The following EHF variants were observed in gnomAD, a reference collection of about 807,000 sequenced individuals.
EHF encodes ETS homologous factor.
In EHF, 14 loss-of-function variants were observed where a neutral mutation model predicts 45.1. That is an observed-to-expected ratio of 0.31 (90% CI 0.21 to 0.49). The LOEUF (loss-of-function observed/expected upper bound fraction) is 0.49, where lower values mean the gene tolerates loss of function less well. Ranked by LOEUF, EHF falls within the 20% of genes least tolerant of loss-of-function variation. EHF has a pLI of 0.99. For missense variants in EHF, 282 were observed against 371.4 expected, an observed-to-expected ratio of 0.76 and a Z score of 1.98; for synonymous variants, 136 against 131.8, an observed-to-expected ratio of 1.03 and a Z score of -0.22.
Position 34,651,395 on chromosome 11 carries a change from C to T in EHF, c.407-147C>T, listed in dbSNP as rs150916998. ...ATTAGACAACATTATTATAAAGTAA[C>T]GCAGCTGAAGCAGAATCATATCCCT... is the stretch of plus-strand genomic sequence containing the variant. On this transcript the variant is annotated intron_variant, in intron 4 of 8. Transcript: ENST00000257831. The T allele has an allele frequency of 8.1e-3, 5,294 of 654,562 alleles. 41 individuals are homozygous for T. The highest frequency in any genetic ancestry group is 0.017 in the Middle Eastern group (64 of 3,812). 40.5% of individuals were successfully genotyped at this position (654,562 alleles called of 1,614,324 possible).
chr11:34,646,252 G>A (rs1336367642), intron 2 of EHF, among the ~76,000 whole-genome samples, 187 bp from the exon 3 acceptor site: 1 of 152,128 alleles, frequency 6.6e-6, no homozygotes. Flanking sequence ...CTCATCCAGT[G>A]TCCAGGGGTA....
At position 34,662,653 on chromosome 11, in the gene EHF, A is replaced by G. The variant is rs1414281048; in HGVS notation, c.*3722A>G. On this transcript the variant is annotated 3_prime_UTR_variant, in exon 9 of 9. Coordinates refer to ENST00000257831, the MANE Select transcript of EHF (RefSeq NM_012153.6). The stretch of plus-strand genomic sequence containing the variant: ...AATGCATGTTAGATTTTAGTTTTGC[A>G]AGCATGTTGTTTTTCAAATATATCA... 1.3e-5 allele frequency among the ~76,000 whole-genome samples: 2 copies of G among 152,134 alleles called. No individual in the cohort carries two copies. The highest frequency in any genetic ancestry group is 2.9e-5 in the Non-Finnish European group (2 of 68,020).
intron 3 of EHF, among the ~76,000 whole-genome samples, chr11:34,647,693 C>T (rs1034610112): frequency 6.6e-6 from 1 of 152,224 alleles, no homozygotes; most frequent in Non-Finnish European, 1.5e-5. Flanking sequence ...CATACCCTGG[C>T]AACAGCCATC....
intron 6 of EHF, among the ~76,000 whole-genome samples, chr11:34,655,863 G>C (rs1467959256): frequency 1.3e-5 from 2 of 152,144 alleles, no homozygotes; most frequent in African/African-American, 4.8e-5. Flanking sequence ...TATGGTTTCA[G>C]TCAGTCCAGG....
At chr11:34,622,762 A>G (rs1385169807) in intron 1 of EHF, among the ~76,000 whole-genome samples, 1 of 152,240 alleles carries the variant, frequency 6.6e-6, no homozygotes, top group Non-Finnish European at 1.5e-5. Flanking sequence ...ATGGTATTTA[A>G]AAACCATGAT....
rs1029183234 is a variant in EHF, at chr11:34,659,007, T to C, written c.*76T>C. ...ACAAAGAACTCCTGGACGTAAATAT[T>C]TCAAAGACTACTTTTCTCTGATATT... On this transcript the variant is annotated 3_prime_UTR_variant, in exon 9 of 9. Transcript: ENST00000257831. 1 of 1,127,158 alleles carries C rather than the reference T, an allele frequency of 8.9e-7. No individual in the cohort carries two copies. Among genetic ancestry groups the C allele is most frequent in the Non-Finnish European group, 1.3e-6 (1 of 788,566 alleles). 69.8% of individuals were successfully genotyped at this position (1,127,158 alleles called of 1,614,324 possible). A position where few individuals can be genotyped will look rare whatever the true frequency, so the allele number is the denominator to read the frequency against.
chr11:34,634,160 T>G (rs1475402282), intron 1 of EHF, among the ~76,000 whole-genome samples: 1 of 152,100 alleles, frequency 6.6e-6, no homozygotes. Context: ...TTGTATGTAT[T>G]ATATTCAGTT....
chr11:34,645,270 G>T (rs1854401967), intron 2 of EHF, among the ~76,000 whole-genome samples: 1 of 152,012 alleles, frequency 6.6e-6, no homozygotes, highest in Non-Finnish European at 1.5e-5. Context: ...CACATATTAG[G>T]TTCAGCAATA....
chr11:34,622,479 G>C, intron 1 of EHF: 1 of 1,045,074 alleles, frequency 9.6e-7, no homozygotes. Flanking sequence ...GTGTGACTGT[G>C]TGTTAATTCC....
In EHF at chr11:34,634,110, C is replaced by T. The variant is rs1306986418; in HGVS notation, c.-3-8518C>T. Reference sequence around the variant, plus strand: ...AAGAGAATCAAATACATTCCCCAAGCTTGATTCACAATTCAATTCATTTGT... The same window carrying T: ...AAGAGAATCAAATACATTCCCCAAGTTTGATTCACAATTCAATTCATTTGT... On this transcript the variant is annotated intron_variant, in intron 1 of 8. Coordinates refer to ENST00000257831, the MANE Select transcript of EHF (RefSeq NM_012153.6). Among the ~76,000 whole-genome samples the T allele has an allele frequency of 3.9e-5, 6 of 152,260 alleles. No homozygotes were observed. The East Asian group carries it at 1.2e-3, about 29-fold the overall frequency.
intron 6 of EHF, among the ~76,000 whole-genome samples, chr11:34,656,221 T>C (rs75189631): frequency 3.2e-3 from 488 of 152,298 alleles, no homozygotes; most frequent in Non-Finnish European, 4.8e-3. Flanking sequence ...AGTCATTTGT[T>C]AAACTAATCT....
At chr11:34,631,353 C>G (rs1382498382) in intron 1 of EHF, among the ~76,000 whole-genome samples, 1 of 152,180 alleles carries the variant, frequency 6.6e-6, no homozygotes, top group Non-Finnish European at 1.5e-5. Context: ...TTCAAAAGCT[C>G]CCTCTGACTG....
intron 1 of EHF, among the ~76,000 whole-genome samples, chr11:34,632,238 G>C (rs1388763801): frequency 6.6e-6 from 1 of 152,146 alleles, no homozygotes; most frequent in Non-Finnish European, 1.5e-5. Context: ...TAACTGCGTT[G>C]TTATCGGAGC....
At chr11:34,638,026 C>T (rs532859666) in intron 1 of EHF, among the ~76,000 whole-genome samples, 19 of 152,112 alleles carry the variant, frequency 1.2e-4, no homozygotes, top group South Asian at 4.2e-4. Flanking sequence ...CTCAACCTCC[C>T]GAGTAGCTGG....
At chr11:34,658,448 A>G in intron 7 of EHF, 85 bp from the exon 8 acceptor site, 4 of 1,161,530 alleles carry the variant, frequency 3.4e-6, no homozygotes, top group Non-Finnish European at 3.7e-6. Flanking sequence ...TCCTACTTGC[A>G]GGAAGATGAC....
chr11:34,645,341 G>A (rs1047586985), intron 2 of EHF, among the ~76,000 whole-genome samples: 2 of 152,108 alleles, frequency 1.3e-5, no homozygotes, highest in Non-Finnish European at 2.9e-5. Flanking sequence ...TCTTGTGAAT[G>A]TACCATCTTT....
chr11:34,646,389 T>C (rs772165615), intron 2 of EHF, 50 bp from the exon 3 acceptor site: 32 of 1,608,018 alleles, frequency 2.0e-5, no homozygotes, highest in Non-Finnish European at 2.5e-5. Context: ...TCAGATACTA[T>C]GGCCAGGAAC....
chr11:34,646,319 A>G, intron 2 of EHF, 120 bp from the exon 3 acceptor site: 1 of 1,480,090 alleles, frequency 6.8e-7, no homozygotes, highest in Non-Finnish European at 9.2e-7. Context: ...CCATGCTGGC[A>G]CATACACGGA....
intron 1 of EHF, among the ~76,000 whole-genome samples, chr11:34,622,937 G>A (rs1016659223): frequency 9.9e-5 from 15 of 152,208 alleles, no homozygotes; most frequent in East Asian, 1.9e-4. Context: ...TTACATGACC[G>A]CGCAAGATGG....
Sources: gnomAD v4.1 joint callset for allele counts (sites outside exome capture counted in the v4.1 genomes callset) on GRCh38, gnomAD v4.1.1 for gene constraint, MANE v1.5 for transcripts, NCBI Gene and HGNC (gene_info 2026-07-23, HGNC 2026-07-21) for gene names.